The following STAMBPL1 variants were observed in gnomAD, a reference collection of about 807,000 sequenced individuals.
STAMBPL1 encodes AMSH-like protease.
STAMBPL1 carries 44 observed loss-of-function variants against 52.9 expected under a neutral mutation model. The observed-to-expected ratio is 0.83, with a 90% CI of 0.65 to 1.07. STAMBPL1 has a LOEUF of 1.07. Ranked by LOEUF, STAMBPL1 falls within the 50% of genes least tolerant of loss-of-function variation. STAMBPL1 has a pLI of 0.00. For synonymous variants in STAMBPL1, 164 were observed against 177.3 expected (o/e 0.92, Z 0.60); for missense variants, 511 against 520.8 (o/e 0.98, Z 0.18).
At chr10:88,919,182 A>T (rs1845443603) in intron 8 of STAMBPL1, among the ~76,000 whole-genome samples, 1 of 152,186 alleles carries the variant, frequency 6.6e-6, no homozygotes, top group Non-Finnish European at 1.5e-5. Flanking sequence ...AACTAGTTTT[A>T]TGAGCATCAG....
intron 4 of STAMBPL1, among the ~76,000 whole-genome samples, 167 bp from the exon 5 acceptor site, chr10:88,910,749 G>A (rs1275601254): frequency 6.6e-6 from 1 of 152,140 alleles, no homozygotes; most frequent in Non-Finnish European, 1.5e-5. Context: ...CTGCTGGAAA[G>A]TTATATTTTG....
At chr10:88,906,257 C>T (rs1589367913) in intron 3 of STAMBPL1, among the ~76,000 whole-genome samples, 1 of 152,324 alleles carries the variant, frequency 6.6e-6, no homozygotes, top group East Asian at 1.9e-4. Flanking sequence ...AAAGTGGCTA[C>T]ATCAAAACAG....
chr10:88,880,676 C>G (rs528661112), intron 1 of STAMBPL1, 38 bp downstream of exon 1: 51 of 152,252 alleles, frequency 3.3e-4, no homozygotes, highest in African/African-American at 1.2e-3. Context: ...AGAGCGCGCA[C>G]CGGACGGGGA....
chr10:88,899,657 G>A (rs1844896061), intron 1 of STAMBPL1, among the ~76,000 whole-genome samples: 1 of 152,054 alleles, frequency 6.6e-6, no homozygotes, highest in African/African-American at 2.4e-5. Context: ...TTACAGGCGT[G>A]CACTACCACG....
chr10:88,905,691 A>C, intron 3 of STAMBPL1, 31 bp downstream of exon 3: 10 of 1,527,918 alleles, frequency 6.5e-6, no homozygotes, highest in East Asian at 2.3e-5. Flanking sequence ...TGAAGTGAGA[A>C]AATTGGAAAA....
intron 7 of STAMBPL1, 101 bp from the exon 8 acceptor site, chr10:88,916,579 C>A (rs573476510): frequency 8.1e-7 from 1 of 1,240,220 alleles, no homozygotes; most frequent in Non-Finnish European, 1.1e-6. Context: ...GACACACCCC[C>A]CTGCTGGGGG....
At chr10:88,914,444 T>C (rs1240604979) in intron 6 of STAMBPL1, 90 bp from the exon 7 acceptor site, 2 of 1,078,212 alleles carry the variant, frequency 1.9e-6, no homozygotes, top group Non-Finnish European at 2.4e-6. Flanking sequence ...TTGAAATTTA[T>C]GTCCAACTGC....
At chr10:88,909,987 A>G (rs557495427) in intron 4 of STAMBPL1, among the ~76,000 whole-genome samples, 22 of 152,096 alleles carry the variant, frequency 1.4e-4, no homozygotes, top group African/African-American at 4.3e-4. Context: ...TCTCTTGTTC[A>G]TTCAACCTCA....
chr10:88,907,166 C>T (rs959774563), intron 3 of STAMBPL1, among the ~76,000 whole-genome samples: 5 of 152,166 alleles, frequency 3.3e-5, no homozygotes, highest in Non-Finnish European at 7.3e-5. Flanking sequence ...TATAATATCA[C>T]TAGCTTAGTC....
intron 4 of STAMBPL1, among the ~76,000 whole-genome samples, chr10:88,910,264 C>A (rs748612914): frequency 1.3e-5 from 2 of 152,132 alleles, no homozygotes; most frequent in Non-Finnish European, 2.9e-5. Flanking sequence ...TAATACCGAA[C>A]AGGACTTTCA....
At position 88,908,782 on chromosome 10, in the gene STAMBPL1, T is replaced by C. The variant is rs371808752; in HGVS notation, c.324+5T>C. On this transcript the variant is annotated splice_donor_5th_base_variant and intron_variant, in intron 4 of 10. Coordinates refer to ENST00000371926, the MANE Select transcript of STAMBPL1 (RefSeq NM_020799.4). ...GAAAAGCAGGATATTATGAAGGTAT[T>C]GTGGGTTTTCTTCTCCACTGTGGAA... 1.8e-4 allele frequency: 283 copies of C among 1,602,282 alleles called. 2 individuals carry two copies. The South Asian group carries it at 2.8e-3, about 16-fold the overall frequency.
intron 1 of STAMBPL1, among the ~76,000 whole-genome samples, chr10:88,894,800 AAAT>A (rs1337986972): frequency 6.6e-6 from 1 of 152,204 alleles, no homozygotes; most frequent in Non-Finnish European, 1.5e-5. Context: ...GTTAAGGAGT[AAAT>A]AATATATCTT....
At chr10:88,885,978 G>A (rs1328958239) in intron 1 of STAMBPL1, among the ~76,000 whole-genome samples, 1 of 152,172 alleles carries the variant, frequency 6.6e-6, no homozygotes, top group Non-Finnish European at 1.5e-5. Flanking sequence ...CTTTTTCTTG[G>A]TCTTGTATAA....
chr10:88,908,516 T>A (rs1225515434), intron 3 of STAMBPL1, among the ~76,000 whole-genome samples, 186 bp from the exon 4 acceptor site: 1 of 152,228 alleles, frequency 6.6e-6, no homozygotes, highest in East Asian at 1.9e-4. Flanking sequence ...TTGGTTGAGC[T>A]TAACCATTAA....
chr10:88,891,542 G>A (rs116686614), intron 1 of STAMBPL1, among the ~76,000 whole-genome samples: 3,732 of 152,208 alleles, frequency 0.025, 69 homozygotes, highest in South Asian at 0.077. Context: ...AAATAGTATC[G>A]TGGAGAAACC....
Position 88,922,336 on chromosome 10 carries a change from G to A in STAMBPL1, c.1155-1G>A. 6.2e-7 allele frequency: 1 copy of A among 1,612,798 alleles called. No individual in the cohort carries two copies. The highest frequency in any genetic ancestry group is 8.5e-7 in the Non-Finnish European group (1 of 1,179,344). ...TATCTTGTTTTTGCTCTGAAATTTA[G>A]CACTGGCATCTTCAGGCTCACCAAT... On this transcript the variant is annotated splice_acceptor_variant, in intron 9 of 10. Coordinates refer to ENST00000371926, the MANE Select transcript of STAMBPL1 (RefSeq NM_020799.4). LOFTEE classifies it high-confidence loss of function.
intron 1 of STAMBPL1, among the ~76,000 whole-genome samples, chr10:88,896,240 A>T (rs549857109): frequency 6.6e-6 from 1 of 152,350 alleles, no homozygotes; most frequent in African/African-American, 2.4e-5. Context: ...TGTAAAAACA[A>T]ATCAATGTAA....
At chr10:88,905,956 A>AT (rs1335412487) in intron 3 of STAMBPL1, among the ~76,000 whole-genome samples, 1 of 152,082 alleles carries the variant, frequency 6.6e-6, no homozygotes, top group Non-Finnish European at 1.5e-5. Context: ...AATATAATTT[A>AT]TTTTTTCATG....
chr10:88,908,646 G>T, intron 3 of STAMBPL1, 56 bp from the exon 4 acceptor site: 4 of 1,392,666 alleles, frequency 2.9e-6, no homozygotes, highest in Non-Finnish European at 3.0e-6. Context: ...TTATTAGAAA[G>T]CATTATTGAA....
Sources: allele counts gnomAD v4.1 joint callset (sites outside exome capture counted in the v4.1 genomes callset), GRCh38; gene constraint gnomAD v4.1.1; transcripts MANE v1.5; gene names NCBI Gene and HGNC (gene_info 2026-07-23, HGNC 2026-07-21).